Variants in WDFY3 observed in about 807,000 individuals in gnomAD.
The protein encoded by WDFY3 is WD repeat and FYVE domain containing 3.
In WDFY3, 66 loss-of-function variants were observed where a neutral mutation model predicts 409.6. The observed-to-expected ratio is 0.16, with a 90% CI of 0.13 to 0.20. The LOEUF (loss-of-function observed/expected upper bound fraction) is 0.20, where lower values mean the gene tolerates loss of function less well. Among genes scored for constraint, WDFY3 ranks in the 10% least tolerant of loss-of-function variants. WDFY3 has a pLI of 1.00. For synonymous variants in WDFY3, 1,521 were observed against 1,537.1 expected, an observed-to-expected ratio of 0.99 and a Z score of 0.25; for missense variants, 3,031 against 4,298.1, an observed-to-expected ratio of 0.71 and a Z score of 8.24.
chr4:84,691,861 T>C, intron 59 of WDFY3, 76 bp from the exon 60 acceptor site: 1 of 1,342,044 alleles, frequency 7.5e-7, no homozygotes, highest in South Asian at 1.6e-5. Flanking sequence ...CATGATAATT[T>C]CAAATATTCA....
At position 84,966,493 on chromosome 4, in the gene WDFY3, G is replaced by GCGTCCT. The variant is rs1471264859; in HGVS notation, c.-516_-511dup. ...CTCCTGCCCCCGTCCCTGCTCCGCC[G>GCGTCCT]CGTCCTCGTCCTCGCTGGGTCCCCG... is the stretch of plus-strand genomic sequence containing the variant. On this transcript the variant is annotated 5_prime_UTR_variant, in exon 1 of 68. Coordinates refer to ENST00000295888, the MANE Select transcript of WDFY3 (RefSeq NM_014991.6). The GCGTCCT allele has an allele frequency of 6.3e-6, 1 of 158,380 alleles. No homozygotes were observed. Among genetic ancestry groups the GCGTCCT allele is most frequent in the Non-Finnish European group, 1.4e-5 (1 of 71,552 alleles). 9.8% of individuals were successfully genotyped at this position (158,380 alleles called of 1,614,324 possible). A position where few individuals can be genotyped will look rare whatever the true frequency, so the allele number is the denominator to read the frequency against.
chr4:84,897,154 T>TA (rs1026741490), intron 2 of WDFY3, 144 bp from the exon 3 acceptor site: 2 of 152,322 alleles, frequency 1.3e-5, no homozygotes, highest in African/African-American at 4.8e-5. Context: ...AGAAGCTTTT[T>TA]AAAAAATGCT....
chr4:84,882,638 A>G (rs1763689446), intron 3 of WDFY3, among the ~76,000 whole-genome samples: 1 of 152,210 alleles, frequency 6.6e-6, no homozygotes, highest in Non-Finnish European at 1.5e-5. Flanking sequence ...GGTGATACTA[A>G]TATGACTATC....
rs190834920 is a variant in WDFY3, at chr4:84,733,671, C to T, written c.6994-62G>A. 2,375 of 1,444,096 alleles carry T rather than the reference C, an allele frequency of 1.6e-3. 54 individuals are homozygous for T. In the Admixed American group the frequency reaches 0.049, roughly 30 times the overall value. 89.5% of individuals were successfully genotyped at this position (1,444,096 alleles called of 1,614,324 possible). Reference sequence around the variant, plus strand: ...AGCAGGAGTAACAGTAACAAGTCTACAAGTCACTGAAAATCAAGTTATTAT... The same window carrying T: ...AGCAGGAGTAACAGTAACAAGTCTATAAGTCACTGAAAATCAAGTTATTAT... On this transcript the variant is annotated intron_variant, in intron 43 of 67. Transcript: ENST00000295888.
chr4:84,726,499 T>C (rs1234147305), intron 45 of WDFY3, among the ~76,000 whole-genome samples: 1 of 152,154 alleles, frequency 6.6e-6, no homozygotes, highest in African/African-American at 2.4e-5. Context: ...TTTAGAAGAA[T>C]TAAATGAGTC....
intron 32 of WDFY3, among the ~76,000 whole-genome samples, chr4:84,764,971 G>A (rs1161269460): frequency 2.0e-5 from 3 of 151,648 alleles, no homozygotes; most frequent in African/African-American, 7.3e-5. Flanking sequence ...TTCTATAAAT[G>A]AATTACATAT....
In WDFY3 at chr4:84,737,379, C is replaced by A; in HGVS notation, c.6575-13G>T. On this transcript the variant is annotated splice_polypyrimidine_tract_variant and intron_variant, in intron 40 of 67. Coordinates refer to ENST00000295888, the MANE Select transcript of WDFY3 (RefSeq NM_014991.6). ...AGAAGCTGACGCCCTAGTAAACAAA[C>A]AAACAAACAAACAAAAAAGTAAGCA... The A allele has an allele frequency of 1.3e-6, 2 of 1,526,428 alleles. No individual in the cohort carries two copies. The highest frequency in any genetic ancestry group is 2.3e-5 in the East Asian group (1 of 43,362). The allele number at this position is 1,526,428 out of a possible 1,614,324, so 94.6% of individuals were successfully genotyped here. A position where few individuals can be genotyped will look rare whatever the true frequency, so the allele number is the denominator to read the frequency against.
At chr4:84,780,068 G>A (rs1206427240) in intron 26 of WDFY3, 40 bp downstream of exon 26, 4 of 1,507,786 alleles carry the variant, frequency 2.7e-6, no homozygotes, top group Admixed American at 2.2e-5. Context: ...AGTATTTTAG[G>A]TGCCAGGTGA....
rs1005326073 is a variant in WDFY3, at chr4:84,826,991, T to A, written c.957-10A>T. ...TTTTGCTTGTTCCAATCTAGAAAAG[T>A]ATGATTTAGAAAGTATTTTTTTTCT... On this transcript the variant is annotated splice_polypyrimidine_tract_variant and intron_variant, in intron 9 of 67. Transcript: ENST00000295888. 6.2e-7 allele frequency: 1 copy of A among 1,600,064 alleles called. No individual in the cohort carries two copies. Among genetic ancestry groups the A allele is most frequent in the African/African-American group, 1.4e-5 (1 of 73,912 alleles).
chr4:84,945,450 A>G (rs1201923300), intron 1 of WDFY3, among the ~76,000 whole-genome samples: 4 of 152,232 alleles, frequency 2.6e-5, no homozygotes, highest in Non-Finnish European at 5.9e-5. Flanking sequence ...AATGCTTCAT[A>G]TAAATCACAC....
chr4:84,755,227 A>G (rs1741234445), intron 34 of WDFY3, 39 bp downstream of exon 34: 11 of 1,596,174 alleles, frequency 6.9e-6, no homozygotes, highest in Non-Finnish European at 7.7e-6. Context: ...CCTAGGCAGG[A>G]GGAATTCTCA....
At chr4:84,881,149 T>C (rs977726564) in intron 3 of WDFY3, among the ~76,000 whole-genome samples, 1 of 152,166 alleles carries the variant, frequency 6.6e-6, no homozygotes, top group Non-Finnish European at 1.5e-5. Flanking sequence ...TTTTTTACCA[T>C]ACATACGCAT....
intron 47 of WDFY3, among the ~76,000 whole-genome samples, chr4:84,719,069 A>C (rs1003969756): frequency 6.6e-6 from 1 of 152,140 alleles, no homozygotes; most frequent in African/African-American, 2.4e-5. Flanking sequence ...CTGAGCCTCC[A>C]TGTCTTTTTT....
At chr4:84,772,786 A>G (rs1396705257) in intron 30 of WDFY3, 49 bp downstream of exon 30, 3 of 1,477,360 alleles carry the variant, frequency 2.0e-6, no homozygotes, top group Non-Finnish European at 2.8e-6. Context: ...GAAAAAAGGC[A>G]TAATATTTAG....
At chr4:84,743,149 A>G (rs930308326) in intron 37 of WDFY3, among the ~76,000 whole-genome samples, 1 of 152,220 alleles carries the variant, frequency 6.6e-6, no homozygotes, top group Non-Finnish European at 1.5e-5. Context: ...CACATATAGT[A>G]TACTAACCCA....
intron 54 of WDFY3, 37 bp downstream of exon 54, chr4:84,705,357 T>C (rs753872271): frequency 7.1e-6 from 11 of 1,559,106 alleles, no homozygotes; most frequent in South Asian, 6.8e-5. Flanking sequence ...CTTTTGAAAC[T>C]TGGGTACAAA....
At chr4:84,690,287 C>A (rs1246956915) in intron 61 of WDFY3, among the ~76,000 whole-genome samples, 1 of 152,118 alleles carries the variant, frequency 6.6e-6, no homozygotes, top group Non-Finnish European at 1.5e-5. Context: ...TAACTTTCTT[C>A]AGATTTTAAC....
At chr4:84,850,780 C>G (rs1278524470) in intron 4 of WDFY3, among the ~76,000 whole-genome samples, 1 of 151,960 alleles carries the variant, frequency 6.6e-6, no homozygotes, top group Non-Finnish European at 1.5e-5. Context: ...TTTCCTCAGT[C>G]TAATCACAAT....
intron 47 of WDFY3, among the ~76,000 whole-genome samples, chr4:84,719,580 T>C (rs1734508702): frequency 6.6e-6 from 1 of 152,220 alleles, no homozygotes; most frequent in Admixed American, 6.5e-5. Context: ...TAAATATAAG[T>C]CAATTTTCAT....
Sources: allele counts gnomAD v4.1 joint callset (sites outside exome capture counted in the v4.1 genomes callset), GRCh38; gene constraint gnomAD v4.1.1; transcripts MANE v1.5; gene names NCBI Gene and HGNC (gene_info 2026-07-23, HGNC 2026-07-21).